The following TMEM233 variants were observed in gnomAD, a reference collection of about 807,000 sequenced individuals.
TMEM233 encodes the protein transmembrane protein 233, also known as dispanin subfamily B member 2.
A neutral mutation model predicts 11.2 loss-of-function variants in TMEM233; 6 were observed. That is an observed-to-expected ratio of 0.54 (90% confidence interval 0.29 to 1.06). The LOEUF is 1.06. Ranked by LOEUF, TMEM233 falls within the 50% of genes least tolerant of loss-of-function variation. The pLI, the probability that TMEM233 is intolerant of heterozygous loss-of-function variation, is 0.08. For synonymous variants in TMEM233, 59 were observed against 55.8 expected (o/e 1.06, Z -0.26); for missense variants, 127 against 144.7 (o/e 0.88, Z 0.63).
chr12:119,606,382 A>G (rs945199553), intron 1 of TMEM233, among the ~76,000 whole-genome samples: 3 of 152,194 alleles, frequency 2.0e-5, no homozygotes, highest in African/African-American at 7.2e-5. Flanking sequence ...TGTGCTAGAC[A>G]TAAAGGAATG....
At chr12:119,599,168 G>C in intron 1 of TMEM233, among the ~76,000 whole-genome samples, 1 of 152,188 alleles carries the variant, frequency 6.6e-6, no homozygotes, top group East Asian at 1.9e-4. Context: ...GAACATACCT[G>C]TTTTGCTCCC....
intron 1 of TMEM233, among the ~76,000 whole-genome samples, chr12:119,598,105 T>C (rs1215596947): frequency 6.6e-6 from 1 of 152,212 alleles, no homozygotes; most frequent in Non-Finnish European, 1.5e-5. Context: ...TATTTATTTG[T>C]TATTCAACAT....
At chr12:119,643,492 G>A (rs1197822868), downstream of TMEM233, among the ~76,000 whole-genome samples, 1 of 152,238 alleles carries the variant, frequency 6.6e-6, no homozygotes, top group Non-Finnish European at 1.5e-5. Flanking sequence ...TTGGTGGCCG[G>A]GCGCGGTGGC....
At chr12:119,647,905 G>T (rs897074949), downstream of TMEM233, among the ~76,000 whole-genome samples, 1 of 150,158 alleles carries the variant, frequency 6.7e-6, no homozygotes, top group Non-Finnish European at 1.5e-5. Flanking sequence ...ATGATACCCC[G>T]CAAAGCCCTA....
chr12:119,616,526 A>G (rs879379199), intron 1 of TMEM233, among the ~76,000 whole-genome samples: 4 of 152,224 alleles, frequency 2.6e-5, no homozygotes, highest in Non-Finnish European at 5.9e-5. Flanking sequence ...ACAATGTCCA[A>G]ACACCACAAA....
chr12:119,626,547 AAGAGAAGAGAAG>A (rs1954768824), intron 1 of TMEM233, among the ~76,000 whole-genome samples: 7 of 66,798 alleles, frequency 1.0e-4, no homozygotes, highest in African/African-American at 3.3e-4. Context: ...GGGAGAAGAG[AAGAGAAGAGAAG>A]AGAAGAGAAG....
chr12:119,632,235 G>A (rs1314583965), intron 2 of TMEM233, among the ~76,000 whole-genome samples: 1 of 152,158 alleles, frequency 6.6e-6, no homozygotes, highest in Non-Finnish European at 1.5e-5. Context: ...AGGTAGATAG[G>A]TATTATTATC....
At chr12:119,618,010 T>A (rs1400131393) in intron 1 of TMEM233, among the ~76,000 whole-genome samples, 2 of 152,208 alleles carry the variant, frequency 1.3e-5, no homozygotes, top group African/African-American at 4.8e-5. Flanking sequence ...AATTGTTTCA[T>A]GGGCCAGGCC....
Position 119,593,878 on chromosome 12 carries a change from C to A in TMEM233, c.30C>A (p.Phe10Leu). 1 of 1,551,710 alleles carries A rather than the reference C, an allele frequency of 6.4e-7. No homozygotes were observed. The highest frequency in any genetic ancestry group is 1.4e-5 in the African/African-American group (1 of 73,186). MSQYAPSPD[F>L]KRALDSSPEA... Reference sequence around the variant, plus strand: ...CTCAGTACGCCCCTAGCCCGGACTTCAAGAGGGCTTTGGACAGCAGTCCCG... The same window carrying A: ...CTCAGTACGCCCCTAGCCCGGACTTAAAGAGGGCTTTGGACAGCAGTCCCG... Residue 10 changes from phenylalanine (F) to leucine (L), a missense_variant, in exon 1 of 3, where the codon TTC becomes TTA. Phe to Leu is a conservative substitution (Grantham distance 22). Coordinates refer to ENST00000426426, the MANE Select transcript of TMEM233 (RefSeq NM_001136534.3). This position sits in a 1 kb window ranked among gnomAD's most constrained non-coding sequence, Gnocchi z 4.1.
chr12:119,595,789 C>G lies in TMEM233; in HGVS notation c.186+1755C>G, dbSNP rs777006744. On this transcript the variant is annotated intron_variant, in intron 1 of 2. Coordinates refer to ENST00000426426, the MANE Select transcript of TMEM233 (RefSeq NM_001136534.3). This position sits in a 1 kb window ranked among gnomAD's most constrained non-coding sequence, Gnocchi z 4.3. ...CCCCCATCCACCCACCCCGCGCAAG[C>G]TCTGTTCTTCCTTCCCTGCTACCTT... is the stretch of plus-strand genomic sequence containing the variant. Among the ~76,000 whole-genome samples the G allele has an allele frequency of 2.6e-5, 4 of 152,210 alleles. No individual in the cohort carries two copies. Among genetic ancestry groups the G allele is most frequent in the Non-Finnish European group, 5.9e-5 (4 of 68,044 alleles).
At chr12:119,637,047 G>T (rs1389761581) in intron 2 of TMEM233, among the ~76,000 whole-genome samples, 1 of 152,122 alleles carries the variant, frequency 6.6e-6, no homozygotes, top group South Asian at 2.1e-4. Flanking sequence ...CCACACTCTG[G>T]GCTCACATAG....
chr12:119,632,490 A>G (rs1954904867), intron 2 of TMEM233, among the ~76,000 whole-genome samples: 1 of 152,232 alleles, frequency 6.6e-6, no homozygotes, highest in Non-Finnish European at 1.5e-5. Context: ...GGGGAATGGT[A>G]TGGTGAGGTT....
intron 1 of TMEM233, among the ~76,000 whole-genome samples, chr12:119,626,596 GAAAA>G (rs1593302133): frequency 2.1e-5 from 3 of 140,440 alleles, no homozygotes; most frequent in South Asian, 2.3e-4. Context: ...GAAGAGAAGA[GAAAA>G]AAGAAAAGAA....
intron 1 of TMEM233, among the ~76,000 whole-genome samples, chr12:119,596,703 G>T (rs759558741): frequency 1.9e-4 from 29 of 151,942 alleles, no homozygotes; most frequent in Non-Finnish European, 3.5e-4. Context: ...ATGTTGCCCA[G>T]GCTGATCTCA....
chr12:119,615,206 A>AAAAAAAAAAAAAAAAAAAC (rs1954501487), intron 1 of TMEM233, among the ~76,000 whole-genome samples: 3 of 120,652 alleles, frequency 2.5e-5, no homozygotes. Context: ...AAAAAAAAAA[A>AAAAAAAAAAAAAAAAAAAC]CTGCCTCCTC....
intron 2 of TMEM233, among the ~76,000 whole-genome samples, chr12:119,634,889 G>A (rs929952994): frequency 2.6e-5 from 4 of 152,138 alleles, no homozygotes; most frequent in Admixed American, 2.6e-4. Context: ...TGGTGGCTGG[G>A]GCAATGAAAC....
At chr12:119,626,546 GAAGAGAA>G (rs1566109413) in intron 1 of TMEM233, among the ~76,000 whole-genome samples, 7 of 65,352 alleles carry the variant, frequency 1.1e-4, no homozygotes, top group East Asian at 1.9e-3. Context: ...AGGGAGAAGA[GAAGAGAA>G]GAGAAGAGAA....
At chr12:119,620,504 A>G (rs1014964718) in intron 1 of TMEM233, among the ~76,000 whole-genome samples, 3 of 152,250 alleles carry the variant, frequency 2.0e-5, no homozygotes, top group African/African-American at 7.2e-5. Context: ...CAAATTTTAA[A>G]TAACTAAATG....
chr12:119,651,775 C>T, the TMEM233 span, among the ~76,000 whole-genome samples: 5 of 141,038 alleles, frequency 3.5e-5, no homozygotes, highest in East Asian at 2.0e-4. Flanking sequence ...TGCAGTGAGC[C>T]GAGATCATTC....
Sources: allele counts gnomAD v4.1 joint callset (sites outside exome capture counted in the v4.1 genomes callset), GRCh38; gene constraint gnomAD v4.1.1; non-coding constraint Gnocchi (gnomAD v3.1); transcripts MANE v1.5; gene names NCBI Gene and HGNC (gene_info 2026-07-23, HGNC 2026-07-21).